The following DYNC2H1 variants were observed in gnomAD, a reference collection of about 807,000 sequenced individuals.
DYNC2H1 encodes the protein cytoplasmic dynein 2 heavy chain 1.
In DYNC2H1, 410 loss-of-function variants were observed where a neutral mutation model predicts 570.0. That is an observed-to-expected ratio of 0.72 (90% CI 0.66 to 0.78). The LOEUF (loss-of-function observed/expected upper bound fraction) is 0.78. Among genes scored for constraint, DYNC2H1 ranks in the 30% least tolerant of loss-of-function variants. The probability of loss-of-function intolerance (pLI) is 0.00; values close to 1 mark genes in which losing one functional copy is unlikely to be tolerated. For missense variants in DYNC2H1, 4,865 were observed against 5,046.4 expected (o/e 0.96, Z 1.09); for synonymous variants, 1,688 against 1,677.6 (o/e 1.01, Z -0.15).
intron 70 of DYNC2H1, among the ~76,000 whole-genome samples, chr11:103,273,702 G>C (rs535771548): frequency 2.6e-5 from 4 of 152,276 alleles, no homozygotes; most frequent in African/African-American, 9.6e-5. Flanking sequence ...GGCCAAAAGA[G>C]CTTTCTTTGC....
chr11:103,220,560 C>A, intron 56 of DYNC2H1, 63 bp from the exon 57 acceptor site: 1 of 1,449,186 alleles, frequency 6.9e-7, no homozygotes, highest in Non-Finnish European at 9.2e-7. Flanking sequence ...CATAATTTTT[C>A]AAGAGTTAAT....
chr11:103,155,532 G>A, intron 25 of DYNC2H1, 31 bp downstream of exon 25: 1 of 1,576,554 alleles, frequency 6.3e-7, no homozygotes, highest in Admixed American at 1.9e-5. Context: ...TATCCCATAA[G>A]TCTGGCCTTT....
intron 84 of DYNC2H1, among the ~76,000 whole-genome samples, chr11:103,414,235 T>G (rs1943196560): frequency 6.6e-6 from 1 of 152,234 alleles, no homozygotes; most frequent in Admixed American, 6.5e-5. Context: ...CTGCATTTCC[T>G]ACAGACATTA....
At chr11:103,121,897 G>A (rs1170642643) in intron 10 of DYNC2H1, among the ~76,000 whole-genome samples, 1 of 152,084 alleles carries the variant, frequency 6.6e-6, no homozygotes, top group Non-Finnish European at 1.5e-5. Context: ...GCTGCAGTGA[G>A]CCATAATTGT....
In DYNC2H1 at chr11:103,143,366, A is replaced by G. The variant is rs1263008549; in HGVS notation, c.2673A>G (p.Ile891Met). 3 of 1,612,232 alleles carry G rather than the reference A, an allele frequency of 1.9e-6. No homozygotes were observed. The highest frequency in any genetic ancestry group is 2.7e-5 in the African/African-American group (2 of 74,966). Residue 891 changes from isoleucine to methionine, a missense_variant, in exon 18 of 89, where the codon ATA (isoleucine) becomes ATG (methionine). Physicochemically the swap from Ile to Met is conservative, Grantham distance 10 (BLOSUM62 1). Around this residue, in one of 5 missense-constraint regions of DYNC2H1, gnomAD observed 1,936 missense variants for 1,962.1 expected, o/e 0.99. Coordinates refer to ENST00000375735, the MANE Select transcript of DYNC2H1 (RefSeq NM_001377.3). ...DWEKNFKALK[I>M]KGKEVERLPS... Reference sequence around the variant, plus strand: ...AGAAAAATTTTAAAGCATTAAAAATAAAGGGGAAAGAAGTAGAACGACTTC... The same window carrying G: ...AGAAAAATTTTAAAGCATTAAAAATGAAGGGGAAAGAAGTAGAACGACTTC...
At chr11:103,415,542 T>TG (rs1332997030) in intron 84 of DYNC2H1, among the ~76,000 whole-genome samples, 4 of 151,942 alleles carry the variant, frequency 2.6e-5, no homozygotes, top group Non-Finnish European at 5.9e-5. Flanking sequence ...AACAGACACA[T>TG]AAAAAAACGC....
chr11:103,380,799 C>A (rs569925426), intron 83 of DYNC2H1, among the ~76,000 whole-genome samples: 2 of 152,162 alleles, frequency 1.3e-5, no homozygotes, highest in East Asian at 3.9e-4. Flanking sequence ...TGAGCTCAGG[C>A]GATCCACCTG....
chr11:103,120,674 T>A lies in DYNC2H1; in HGVS notation c.1135-15T>A. ...AAAAAATACTAAAGTCTAACAATGT[T>A]GTTAATGTATGTAGCCCTTGTGGAA... On this transcript the variant is annotated splice_polypyrimidine_tract_variant and intron_variant, in intron 7 of 88. Transcript: ENST00000375735. 6.2e-7 allele frequency: 1 copy of A among 1,610,024 alleles called. No individual in the cohort carries two copies.
chr11:103,369,499 G>A lies in DYNC2H1; in HGVS notation c.12156+11140G>A, dbSNP rs745581399. Among the ~76,000 whole-genome samples, 11 of 152,118 alleles carry A rather than the reference G, an allele frequency of 7.2e-5. No homozygotes were observed. Among genetic ancestry groups the A allele is most frequent in the Non-Finnish European group, 1.0e-4 (7 of 68,016 alleles). ...CTGCTGGGGCAGCTAAGGGAATGCT[G>A]GCATCACCCCTCTCCTAACCTCAGG... On this transcript the variant is annotated intron_variant, in intron 83 of 88. Transcript: ENST00000375735. The surrounding 1 kb of genome is among the most constrained non-coding windows in gnomAD (Gnocchi z 4.0).
intron 47 of DYNC2H1, among the ~76,000 whole-genome samples, chr11:103,194,578 G>A (rs1291170656): frequency 6.6e-6 from 1 of 152,120 alleles, no homozygotes; most frequent in African/African-American, 2.4e-5. Context: ...TCATGTAAGT[G>A]TATATAGATA....
At chr11:103,146,315 G>C (rs891492667) in intron 18 of DYNC2H1, among the ~76,000 whole-genome samples, 1 of 152,146 alleles carries the variant, frequency 6.6e-6, no homozygotes, top group African/African-American at 2.4e-5. Context: ...TTTCAGATTT[G>C]TTTTAACTTT....
At chr11:103,442,571 C>G (rs1000094076) in intron 85 of DYNC2H1, among the ~76,000 whole-genome samples, 2 of 152,096 alleles carry the variant, frequency 1.3e-5, no homozygotes, top group African/African-American at 4.8e-5. Flanking sequence ...AAACAGTACT[C>G]TATGGTCTAC....
At chr11:103,132,282 T>C (rs1356647778) in intron 13 of DYNC2H1, among the ~76,000 whole-genome samples, 2 of 152,160 alleles carry the variant, frequency 1.3e-5, no homozygotes, top group Admixed American at 6.5e-5. Context: ...ATTGAGTCCA[T>C]CCAGCCAGTT....
At chr11:103,110,555 A>G (rs1221770398) in intron 1 of DYNC2H1, among the ~76,000 whole-genome samples, 1 of 152,016 alleles carries the variant, frequency 6.6e-6, no homozygotes, top group Non-Finnish European at 1.5e-5. Context: ...TTTTTGGTGT[A>G]CATCATGTGA....
At chr11:103,327,546 C>T (rs896994766) in intron 82 of DYNC2H1, among the ~76,000 whole-genome samples, 1 of 152,166 alleles carries the variant, frequency 6.6e-6, no homozygotes, top group Non-Finnish European at 1.5e-5. Flanking sequence ...GCTTCTGCAA[C>T]TGCTAGTCTC....
intron 34 of DYNC2H1, among the ~76,000 whole-genome samples, chr11:103,171,866 T>C (rs1861588397): frequency 6.6e-6 from 1 of 152,148 alleles, no homozygotes; most frequent in Admixed American, 6.6e-5. Flanking sequence ...GAAGCACATG[T>C]TTTTGATCAT....
chr11:103,476,484 A>G (rs980644185), intron 88 of DYNC2H1, among the ~76,000 whole-genome samples: 13 of 152,196 alleles, frequency 8.5e-5, no homozygotes, highest in Non-Finnish European at 1.8e-4. Context: ...AATTCTAGGC[A>G]CAATATTAGC....
chr11:103,304,014 C>G (rs893906609), intron 76 of DYNC2H1, among the ~76,000 whole-genome samples: 1 of 151,152 alleles, frequency 6.6e-6, no homozygotes, highest in African/African-American at 2.4e-5. Flanking sequence ...GAGGTAGGAA[C>G]TTTTGTTTGT....
chr11:103,278,864 G>T (rs1299449658), intron 70 of DYNC2H1, among the ~76,000 whole-genome samples: 1 of 152,186 alleles, frequency 6.6e-6, no homozygotes, highest in East Asian at 1.9e-4. Context: ...ACCATGCCTG[G>T]CCCTGTGTGG....
Sources: gnomAD v4.1 joint callset for allele counts (sites outside exome capture counted in the v4.1 genomes callset) on GRCh38, gnomAD v4.1.1 for gene constraint, gnomAD v4.1.1 regional missense constraint, Gnocchi (gnomAD v3.1) non-coding constraint, MANE v1.5 for transcripts, NCBI Gene and HGNC (gene_info 2026-07-23, HGNC 2026-07-21) for gene names.